Variants in RYR3 observed in about 807,000 individuals in gnomAD.
RYR3 encodes brain ryanodine receptor-calcium release channel.
A neutral mutation model predicts 584.3 loss-of-function variants in RYR3; 207 were observed. The ratio of observed to expected loss-of-function variants is 0.35; its 90% CI spans 0.32 to 0.40. RYR3 has a LOEUF of 0.40. Ranked by LOEUF, RYR3 falls within the 10% of genes least tolerant of loss-of-function variation. RYR3 has a pLI of 1.00. For missense variants in RYR3, 5,616 were observed against 6,089.2 expected (o/e 0.92, Z 2.59); for synonymous variants, 2,416 against 2,248.5 (o/e 1.07, Z -2.11).
At chr15:33,331,808 C>T (rs1472989118) in intron 1 of RYR3, among the ~76,000 whole-genome samples, 1 of 151,856 alleles carries the variant, frequency 6.6e-6, no homozygotes. Context: ...AATATGTCTA[C>T]TGGAAACAGT....
At chr15:33,346,910 C>T (rs1349872847) in intron 1 of RYR3, among the ~76,000 whole-genome samples, 8 of 152,022 alleles carry the variant, frequency 5.3e-5, no homozygotes, top group Non-Finnish European at 1.0e-4. Context: ...CGAGACCAGC[C>T]TGGGCAACAT....
chr15:33,647,530 C>A (rs767588848), intron 30 of RYR3, 70 bp downstream of exon 30: 2 of 1,105,298 alleles, frequency 1.8e-6, no homozygotes, highest in Non-Finnish European at 1.4e-6. Context: ...ATGCCCCTTA[C>A]AGCAAAGATC....
chr15:33,797,171 C>T (rs998187318), intron 67 of RYR3, among the ~76,000 whole-genome samples: 4 of 152,072 alleles, frequency 2.6e-5, no homozygotes, highest in Non-Finnish European at 4.4e-5. Flanking sequence ...GAGTGACGTG[C>T]CATCTCCTCC....
chr15:33,795,255 A>T (rs777760168), intron 67 of RYR3, among the ~76,000 whole-genome samples: 31 of 152,200 alleles, frequency 2.0e-4, no homozygotes, highest in Admixed American at 5.2e-4. Flanking sequence ...TCAGTGTCCA[A>T]CCTGAAGTTG....
At chr15:33,570,367 C>T (rs1292701382) in intron 12 of RYR3, among the ~76,000 whole-genome samples, 1 of 152,086 alleles carries the variant, frequency 6.6e-6, no homozygotes, top group Non-Finnish European at 1.5e-5. Context: ...TACCTTGGCA[C>T]CTTTGTCAAA....
chr15:33,697,817 A>G lies in RYR3; in HGVS notation c.6135-65A>G, dbSNP rs996818707. 15 of 988,240 alleles carry G rather than the reference A, an allele frequency of 1.5e-5. No individual in the cohort carries two copies. The African/African-American group carries it at 2.4e-4, about 16-fold the overall frequency. 61.2% of individuals were successfully genotyped at this position (988,240 alleles called of 1,614,324 possible). The stretch of plus-strand genomic sequence containing the variant: ...CCCTCTCGTGTGTTTGTGTGTTCTC[A>G]TCCCTGAATTTTCATAGCATATAAA... On this transcript the variant is annotated intron_variant, in intron 39 of 103. Coordinates refer to ENST00000634891, the MANE Select transcript of RYR3 (RefSeq NM_001036.6).
At chr15:33,806,784 C>T (rs1193723185) in intron 69 of RYR3, among the ~76,000 whole-genome samples, 1 of 150,956 alleles carries the variant, frequency 6.6e-6, no homozygotes, top group Non-Finnish European at 1.5e-5. Context: ...GACAGGGTGT[C>T]CCTCTGTTGC....
chr15:33,834,872 T>A lies in RYR3; in HGVS notation c.11464-96T>A. On this transcript the variant is annotated intron_variant, in intron 86 of 103. Transcript: ENST00000634891. ...AAATATTTGACTTTTGGAAAGTCTA[T>A]CTGCTCATATAAGTAGGTATCAGAT... 6 of 783,652 alleles carry A rather than the reference T, an allele frequency of 7.7e-6. No homozygotes were observed. The South Asian group carries it at 1.1e-4, about 14-fold the overall frequency. The allele number at this position is 783,652 out of a possible 1,614,324, so 48.5% of individuals were successfully genotyped here. A position where few individuals can be genotyped will look rare whatever the true frequency, so the allele number is the denominator to read the frequency against.
At position 33,628,239 on chromosome 15, in the gene RYR3, C is replaced by G. The variant is rs573737587; in HGVS notation, c.2575-232C>G. Among the ~76,000 whole-genome samples, 4 of 152,174 alleles carry G rather than the reference C, an allele frequency of 2.6e-5. 1 individual carries two copies. The South Asian group carries it at 8.3e-4, about 32-fold the overall frequency. On this transcript the variant is annotated intron_variant, in intron 20 of 103. Transcript: ENST00000634891. The stretch of plus-strand genomic sequence containing the variant: ...ACATGTGAAGAACATTCAACACATA[C>G]ACCTACAGAAAAGACTAAGAGGCAA...
chr15:33,369,302 C>A (rs1466514897), intron 1 of RYR3, among the ~76,000 whole-genome samples: 1 of 152,178 alleles, frequency 6.6e-6, no homozygotes, highest in Non-Finnish European at 1.5e-5. Flanking sequence ...CTATAGCCTA[C>A]CCAAACCCAG....
At chr15:33,659,427 T>G (rs1007534928) in intron 32 of RYR3, among the ~76,000 whole-genome samples, 9 of 152,208 alleles carry the variant, frequency 5.9e-5, no homozygotes, top group African/African-American at 2.2e-4. Context: ...GGGAGTTAGC[T>G]TCACACCTAC....
chr15:33,496,384 A>G (rs1266641962), intron 2 of RYR3, among the ~76,000 whole-genome samples: 1 of 152,164 alleles, frequency 6.6e-6, no homozygotes, highest in South Asian at 2.1e-4. Flanking sequence ...TTATTCCTGA[A>G]CGAGGCAGTC....
rs750679107 is a variant in RYR3 at position 33,721,707 on chromosome 15, CT to C, written c.6620-1006del. ...ACACAACATGAAAAAAAGTCTTGCTCTTGAGTCTTGGCTCAGAGATGAATTC... is the reference window on the plus strand; with the variant it reads ...ACACAACATGAAAAAAAGTCTTGCTCTGAGTCTTGGCTCAGAGATGAATTC... On this transcript the variant is annotated intron_variant, in intron 43 of 103. Transcript: ENST00000634891. Among the ~76,000 whole-genome samples the C allele has an allele frequency of 2.6e-5, 4 of 152,162 alleles. No individual in the cohort carries two copies. The South Asian group carries it at 8.3e-4, about 32-fold the overall frequency.
At position 33,673,640 on chromosome 15, in the gene RYR3, T is replaced by C. The variant is rs923666493; in HGVS notation, c.5860+3084T>C. ...AGCAGCATTTCCTTCAATGTAAATA[T>C]ATAGGCATTGAATTATTCTTCCAGA... On this transcript the variant is annotated intron_variant, in intron 38 of 103. Coordinates refer to ENST00000634891, the MANE Select transcript of RYR3 (RefSeq NM_001036.6). Among the ~76,000 whole-genome samples, 10 of 152,366 alleles carry C rather than the reference T, an allele frequency of 6.6e-5. No homozygotes were observed. The East Asian group carries it at 1.7e-3, about 26-fold the overall frequency.
chr15:33,664,777 T>C (rs921594240), intron 36 of RYR3, among the ~76,000 whole-genome samples: 1 of 151,956 alleles, frequency 6.6e-6, no homozygotes, highest in East Asian at 1.9e-4. Context: ...AAGCAGCCTG[T>C]CCATAAAGTG....
chr15:33,464,225 T>C (rs1302267830), intron 1 of RYR3, among the ~76,000 whole-genome samples: 2 of 151,844 alleles, frequency 1.3e-5, no homozygotes, highest in Non-Finnish European at 2.9e-5. Flanking sequence ...TATAATTTTA[T>C]ATGGTGTGAT....
At chr15:33,379,263 G>A (rs1375290063) in intron 1 of RYR3, among the ~76,000 whole-genome samples, 1 of 151,874 alleles carries the variant, frequency 6.6e-6, no homozygotes, top group Non-Finnish European at 1.5e-5. Context: ...GATTGCTGAT[G>A]TAATATTCAT....
chr15:33,513,891 C>G (rs1443458487), intron 3 of RYR3, among the ~76,000 whole-genome samples: 2 of 152,308 alleles, frequency 1.3e-5, no homozygotes, highest in Admixed American at 1.3e-4. Flanking sequence ...ATGGGAAAAA[C>G]TGTTTTTTAG....
chr15:33,827,430 G>C, intron 85 of RYR3, 143 bp downstream of exon 85: 1 of 672,300 alleles, frequency 1.5e-6, no homozygotes, highest in Non-Finnish European at 2.6e-6. Flanking sequence ...AGATGCATGG[G>C]AAGTCCAGTG....
Sources: allele counts gnomAD v4.1 joint callset (sites outside exome capture counted in the v4.1 genomes callset), GRCh38; gene constraint gnomAD v4.1.1; transcripts MANE v1.5; gene names NCBI Gene and HGNC (gene_info 2026-07-23, HGNC 2026-07-21).